ULK2: variants seen among roughly 807,000 people sequenced by gnomAD.
The protein encoded by ULK2 is unc-51 like autophagy activating kinase 2.
A neutral mutation model predicts 127.5 loss-of-function variants in ULK2; 76 were observed. The ratio of observed to expected loss-of-function variants is 0.60; its 90% CI spans 0.50 to 0.72. The LOEUF is 0.72. ULK2 is among the 30% of genes least tolerant of loss of function. The pLI, the probability that ULK2 is intolerant of heterozygous loss-of-function variation, is 0.00. For synonymous variants in ULK2, 452 were observed against 461.9 expected (o/e 0.98, Z 0.28); for missense variants, 1,144 against 1,295.9 (o/e 0.88, Z 1.80).
At position 19,801,918 on chromosome 17, in the gene ULK2, C is replaced by T. The variant is rs1409308441; in HGVS notation, c.1300G>A (p.Ala434Thr). 1 of 1,595,120 alleles carries T rather than the reference C, an allele frequency of 6.3e-7. No individual in the cohort carries two copies. Among genetic ancestry groups the T allele is most frequent in the Admixed American group, 1.9e-5 (1 of 52,342 alleles). Residue 434 changes from alanine to threonine, a missense_variant, in exon 16 of 27, where the codon GCA becomes ACA. Coordinates refer to ENST00000395544, the MANE Select transcript of ULK2 (RefSeq NM_014683.4). Reference protein sequence around the residue: ...GTNVHGSPRSAVVRRSNTSPM... With the variant: ...GTNVHGSPRSTVVRRSNTSPM... Reference sequence around the variant, plus strand: ...CTGGTGTTGGACCTTCGTACCACTGCAGATCTGAAAAGTAAATTATTCCTT... The same window carrying T: ...CTGGTGTTGGACCTTCGTACCACTGTAGATCTGAAAAGTAAATTATTCCTT...
chr17:19,847,983 C>T (rs1042684505), intron 5 of ULK2, among the ~76,000 whole-genome samples: 2 of 152,160 alleles, frequency 1.3e-5, no homozygotes, highest in Non-Finnish European at 2.9e-5. Context: ...TCCCTCTGTG[C>T]CCACCTTCCT....
rs2087019431 is a variant in ULK2 at position 19,785,931 on chromosome 17, C to T, written c.2251+6G>A. The stretch of plus-strand genomic sequence containing the variant: ...CAAAGACTGTAATATAACAAATGCT[C>T]CTTACCTGAGGTTGTTCTTGTTCGA... On this transcript the variant is annotated splice_donor_region_variant and intron_variant, in intron 21 of 26. Transcript: ENST00000395544. 1.3e-6 allele frequency: 2 copies of T among 1,594,584 alleles called. No individual in the cohort carries two copies. Among genetic ancestry groups the T allele is most frequent in the East Asian group, 4.7e-5 (2 of 42,236 alleles).
At chr17:19,818,901 AG>A (rs987216402) in intron 12 of ULK2, among the ~76,000 whole-genome samples, 14 of 147,496 alleles carry the variant, frequency 9.5e-5, no homozygotes, top group Non-Finnish European at 4.4e-5. Context: ...CCCAGGTTCA[AG>A]CGATTCTCCT....
chr17:19,798,969 T>C (rs2152385921), intron 17 of ULK2, among the ~76,000 whole-genome samples: 1 of 152,032 alleles, frequency 6.6e-6, no homozygotes, highest in Middle Eastern at 3.4e-3. Flanking sequence ...GAGACTAGCC[T>C]GGCCAATATG....
intron 14 of ULK2, among the ~76,000 whole-genome samples, chr17:19,806,015 G>T (rs1227440646): frequency 1.3e-5 from 2 of 151,750 alleles, no homozygotes; most frequent in Non-Finnish European, 2.9e-5. Context: ...ATACAATAAT[G>T]TTTTTAATAT....
rs2042160099 is a variant in ULK2, at chr17:19,857,537, GATGTCTCAGTTTT to G, written c.225+7253_225+7265del. Among the ~76,000 whole-genome samples the G allele has an allele frequency of 3.9e-5, 6 of 152,180 alleles. No homozygotes were observed. The South Asian group carries it at 1.2e-3, about 32-fold the overall frequency. ...GGTGTTCCAATTCTATTTTTTGTCA[GATGTCTCAGTTTT>G]ATGAGCACCACCTATTAAATTAATC... is the stretch of plus-strand genomic sequence containing the variant. On this transcript the variant is annotated intron_variant, in intron 3 of 26. Transcript: ENST00000395544.
Position 19,845,348 on chromosome 17 carries a change from T to C in ULK2, c.499A>G (p.Ser167Gly). The C allele has an allele frequency of 6.2e-7, 1 of 1,614,018 alleles. No homozygotes were observed. Among genetic ancestry groups the C allele is most frequent in the Non-Finnish European group, 8.5e-7 (1 of 1,179,912 alleles). Residue 167 changes from serine (S) to glycine (G), a missense_variant, in exon 7 of 27, where the codon AGT becomes GGT. Physicochemically the swap from Ser to Gly is moderately conservative, Grantham distance 56 (BLOSUM62 0). Around this residue, in one of 2 missense-constraint regions of ULK2, gnomAD observed 231 missense variants for 325.4 expected, o/e 0.71. Transcript: ENST00000395544. ...ADFGFARYLH[S>G]NMMAATLCGS... ...CACAGTGTTGCAGCCATCATGTTAC[T>C]ATGTAGGTAACGAGCAAAACCAAAA...
chr17:19,849,812 A>G, intron 3 of ULK2, 38 bp from the exon 4 acceptor site: 1 of 1,286,750 alleles, frequency 7.8e-7, no homozygotes, highest in Middle Eastern at 1.9e-4. Context: ...TTAGAGAAAA[A>G]TTAAACACAA....
At chr17:19,811,485 A>G (rs2087639074) in intron 13 of ULK2, among the ~76,000 whole-genome samples, 1 of 151,844 alleles carries the variant, frequency 6.6e-6, no homozygotes, top group Non-Finnish European at 1.5e-5. Flanking sequence ...TCTGTCGCCC[A>G]GGCTGAAGTG....
chr17:19,786,864 C>A (rs1555551370), intron 20 of ULK2, among the ~76,000 whole-genome samples: 1 of 152,138 alleles, frequency 6.6e-6, no homozygotes, highest in Non-Finnish European at 1.5e-5. Flanking sequence ...AAATAGTAAT[C>A]CCAATCTGTA....
chr17:19,814,917 G>A (rs2040948099), intron 13 of ULK2, among the ~76,000 whole-genome samples: 1 of 152,060 alleles, frequency 6.6e-6, no homozygotes, highest in Non-Finnish European at 1.5e-5. Context: ...GATAAACTGT[G>A]TTTTAGTTAT....
At chr17:19,834,691 C>A (rs571623353) in intron 10 of ULK2, among the ~76,000 whole-genome samples, 3 of 151,996 alleles carry the variant, frequency 2.0e-5, no homozygotes, top group Non-Finnish European at 4.4e-5. Flanking sequence ...GCAGGATGTG[C>A]GCTTGAACCC....
chr17:19,861,627 A>C (rs1292818056), intron 3 of ULK2, among the ~76,000 whole-genome samples: 2 of 152,180 alleles, frequency 1.3e-5, no homozygotes, highest in African/African-American at 2.4e-5. Flanking sequence ...GTATCTCTCC[A>C]AGATTGGGAA....
chr17:19,856,977 CAA>C (rs1157706276), intron 3 of ULK2, among the ~76,000 whole-genome samples: 101 of 21,302 alleles, frequency 4.7e-3, no homozygotes, highest in Middle Eastern at 0.031. Context: ...ACTCCATCTC[CAA>C]AAAAAAAAAA....
At position 19,801,892 on chromosome 17, in the gene ULK2, G is replaced by A; in HGVS notation, c.1326C>T (p.Ser442=). ...RSAVVRRSNT[S]PMGFLRPGSC... ...ATCCCGGCCGGAGGAAGCCCATGGG[G>A]CTGGTGTTGGACCTTCGTACCACTG... is the stretch of plus-strand genomic sequence containing the variant. The change falls in exon 16 of 27, where the codon AGC becomes AGT. Residue 442 remains serine (S), a synonymous_variant. Transcript: ENST00000395544. 6 of 1,613,690 alleles carry A rather than the reference G, an allele frequency of 3.7e-6. No individual in the cohort carries two copies. The highest frequency in any genetic ancestry group is 5.1e-6 in the Non-Finnish European group (6 of 1,179,914).
At chr17:19,777,433 A>G in intron 26 of ULK2, 148 bp downstream of exon 26, 1 of 816,288 alleles carries the variant, frequency 1.2e-6, no homozygotes, top group Non-Finnish European at 1.8e-6. Context: ...AAAGAAGCTG[A>G]GGCCACACAA....
chr17:19,838,007 C>T (rs1351251294), intron 10 of ULK2, among the ~76,000 whole-genome samples: 2 of 152,214 alleles, frequency 1.3e-5, no homozygotes, highest in Admixed American at 1.3e-4. Context: ...AGTTGTTCCT[C>T]AAGCTTACAG....
chr17:19,796,045 T>G (rs192511), intron 19 of ULK2, 50 bp downstream of exon 19: 2 of 1,557,786 alleles, frequency 1.3e-6, no homozygotes, highest in East Asian at 4.5e-5. Flanking sequence ...AATCTATGTT[T>G]TACTATTACA....
intron 20 of ULK2, among the ~76,000 whole-genome samples, chr17:19,795,216 C>A (rs1298266559): frequency 6.6e-6 from 1 of 151,966 alleles, no homozygotes; most frequent in African/African-American, 2.4e-5. Flanking sequence ...AACATACAGT[C>A]TCTGGAGCAA....
Sources: allele counts gnomAD v4.1 joint callset (sites outside exome capture counted in the v4.1 genomes callset), GRCh38; gene constraint gnomAD v4.1.1; regional missense constraint gnomAD v4.1.1; transcripts MANE v1.5; gene names NCBI Gene and HGNC (gene_info 2026-07-23, HGNC 2026-07-21).